GPR153: variants seen among roughly 807,000 people sequenced by gnomAD.
The protein encoded by GPR153 is G protein-coupled receptor 153.
In GPR153, 27 loss-of-function variants were observed where a neutral mutation model predicts 34.1. The ratio of observed to expected loss-of-function variants is 0.79; its 90% CI spans 0.58 to 1.09. The LOEUF (loss-of-function observed/expected upper bound fraction) is 1.09, where lower values mean the gene tolerates loss of function less well. GPR153 is among the 50% of genes least tolerant of loss of function. The pLI, the probability that GPR153 is intolerant of heterozygous loss-of-function variation, is 0.00. For missense variants in GPR153, 848 were observed against 860.2 expected, an observed-to-expected ratio of 0.99 and a Z score of 0.18; for synonymous variants, 408 against 405.4, an observed-to-expected ratio of 1.01 and a Z score of -0.08.
At position 6,249,725 on chromosome 1, in the gene GPR153, G is replaced by A; in HGVS notation, c.1443C>T (p.Gly481=). ...CGGGCCCGGGGCGGCGGCGCGGGCTGCCGGGGGGCGAGTCGCGGGCTCCCC... is the reference window on the plus strand; with the variant it reads ...CGGGCCCGGGGCGGCGGCGCGGGCTACCGGGGGGCGAGTCGCGGGCTCCCC... ...GPRGARDSPP[G]SPRRRPGPGP... is the part of the protein sequence containing the mutation. The change falls in exon 6 of 6, where the codon GGC becomes GGT. Residue 481 remains glycine (G), a synonymous_variant. Coordinates refer to ENST00000377893, the MANE Select transcript of GPR153 (RefSeq NM_207370.4). The surrounding 1 kb of genome is among the most constrained non-coding windows in gnomAD (Gnocchi z 4.3). The A allele has an allele frequency of 9.6e-7, 1 of 1,045,898 alleles. No individual in the cohort carries two copies. The allele number at this position is 1,045,898 out of a possible 1,614,324, so 64.8% of individuals were successfully genotyped here.
Position 6,250,443 on chromosome 1 carries a change from C to G in GPR153, c.1161G>C (p.Leu387=), listed in dbSNP as rs758841100. ...TCTCCCCCAGCCCTGCGCTCACCTG[C>G]AGGTATTGCATCTTGTCCTCCTGCA... ...RPLQEDKMQY[L]QVPPTRRFSH... Residue 387 remains leucine, a synonymous_variant, in exon 5 of 6, where the codon CTG becomes CTC. Transcript: ENST00000377893. 6.3e-7 allele frequency: 1 copy of G among 1,594,818 alleles called. No individual in the cohort carries two copies.
Position 6,251,602 on chromosome 1 carries a change from T to C in GPR153, c.787-72A>G, listed in dbSNP as rs919574805. ...CACACAAGCTCCCCCTGAGTCTCGG[T>C]CTCCCCATGTGTACGGCAGGTCTGA... On this transcript the variant is annotated intron_variant, in intron 3 of 5. Coordinates refer to ENST00000377893, the MANE Select transcript of GPR153 (RefSeq NM_207370.4). The surrounding 1 kb of genome is among the most constrained non-coding windows in gnomAD (Gnocchi z 4.9). The C allele has an allele frequency of 2.1e-5, 30 of 1,445,054 alleles. No homozygotes were observed. Among genetic ancestry groups the C allele is most frequent in the African/African-American group, 5.7e-5 (4 of 70,736 alleles). 89.5% of individuals were successfully genotyped at this position (1,445,054 alleles called of 1,614,324 possible).
chr1:6,249,306 T>C lies in GPR153; in HGVS notation c.*32A>G. 1 of 1,248,652 alleles carries C rather than the reference T, an allele frequency of 8.0e-7. No individual in the cohort carries two copies. The highest frequency in any genetic ancestry group is 1.0e-6 in the Non-Finnish European group (1 of 995,858). 77.3% of individuals were successfully genotyped at this position (1,248,652 alleles called of 1,614,324 possible). A position where few individuals can be genotyped will look rare whatever the true frequency, so the allele number is the denominator to read the frequency against. On this transcript the variant is annotated 3_prime_UTR_variant, in exon 6 of 6. Transcript: ENST00000377893. The surrounding 1 kb of genome is among the most constrained non-coding windows in gnomAD (Gnocchi z 4.3). ...TGCGGCCCCGGAGAGCGGCCTGGCCTGCCTGGCGTCCGTGGGGAGGCGCCG... is the reference window on the plus strand; with the variant it reads ...TGCGGCCCCGGAGAGCGGCCTGGCCCGCCTGGCGTCCGTGGGGAGGCGCCG...
At chr1:6,260,260 C>T (rs1000919038) in intron 1 of GPR153, among the ~76,000 whole-genome samples, 2 of 152,110 alleles carry the variant, frequency 1.3e-5, no homozygotes, top group East Asian at 1.9e-4. Context: ...CCGATGTGTT[C>T]CACGGGGCCC....
At chr1:6,257,730 A>T (rs1638595375) in intron 1 of GPR153, among the ~76,000 whole-genome samples, 1 of 152,250 alleles carries the variant, frequency 6.6e-6, no homozygotes, top group South Asian at 2.1e-4. Flanking sequence ...TCAGGGACAT[A>T]GGATGCTGGG....
At chr1:6,259,015 C>T (rs1638618575) in intron 1 of GPR153, among the ~76,000 whole-genome samples, 1 of 152,234 alleles carries the variant, frequency 6.6e-6, no homozygotes, top group Admixed American at 6.5e-5. Flanking sequence ...AATCCTAGCA[C>T]TCGGGGAGGC....
At position 6,251,654 on chromosome 1, in the gene GPR153, G is replaced by A; in HGVS notation, c.787-124C>T. On this transcript the variant is annotated intron_variant, in intron 3 of 5. Transcript: ENST00000377893. The surrounding 1 kb of genome is among the most constrained non-coding windows in gnomAD (Gnocchi z 4.9). ...AGGTGGGTATCTGCCAAGGAGAAGG[G>A]GCCCTTGGGGAGAAAAGAGCTGGAG... 1 of 1,092,496 alleles carries A rather than the reference G, an allele frequency of 9.2e-7. No homozygotes were observed. The allele number at this position is 1,092,496 out of a possible 1,614,324, so 67.7% of individuals were successfully genotyped here.
intron 1 of GPR153, among the ~76,000 whole-genome samples, chr1:6,260,265 G>C (rs1032839422): frequency 6.6e-6 from 1 of 152,124 alleles, no homozygotes; most frequent in Admixed American, 6.5e-5. Flanking sequence ...GTGTTCCACG[G>C]GGCCCGGCCT....
rs1391165026 is a variant in GPR153 at position 6,255,009 on chromosome 1, G to A, written c.-104C>T. On this transcript the variant is annotated 5_prime_UTR_variant, in exon 2 of 6. Transcript: ENST00000377893. ...GTGGCTCAAGGATGCTGGGGACCAC[G>A]AGCATCTGTGGGGGGGTGGCAGTGG... is the stretch of plus-strand genomic sequence containing the variant. 3.8e-6 allele frequency: 3 copies of A among 787,764 alleles called. No individual in the cohort carries two copies. Among genetic ancestry groups the A allele is most frequent in the African/African-American group, 3.5e-5 (2 of 56,784 alleles). The allele number at this position is 787,764 out of a possible 1,614,324, so 48.8% of individuals were successfully genotyped here.
chr1:6,258,079 G>A (rs757249946), intron 1 of GPR153, among the ~76,000 whole-genome samples: 17 of 152,214 alleles, frequency 1.1e-4, no homozygotes, highest in South Asian at 4.1e-4. Context: ...CCTGGCTCTC[G>A]GGCAGGGAAG....
In GPR153 at chr1:6,247,602, C is replaced by G. The variant is rs1002105041; in HGVS notation, c.*1736G>C. On this transcript the variant is annotated 3_prime_UTR_variant, in exon 6 of 6. Coordinates refer to ENST00000377893, the MANE Select transcript of GPR153 (RefSeq NM_207370.4). ...TGGAGTATTTAGAGGACTCTGTCCC[C>G]CTGCAAGTATTGCCGTTGGATATGA... The G allele has an allele frequency of 6.6e-6, 1 of 152,222 alleles. No individual in the cohort carries two copies. Among genetic ancestry groups the G allele is most frequent in the African/African-American group, 2.4e-5 (1 of 41,444 alleles). 9.4% of individuals were successfully genotyped at this position (152,222 alleles called of 1,614,324 possible). A position where few individuals can be genotyped will look rare whatever the true frequency, so the allele number is the denominator to read the frequency against.
chr1:6,258,620 A>G (rs1261997875), intron 1 of GPR153, among the ~76,000 whole-genome samples: 1 of 152,230 alleles, frequency 6.6e-6, no homozygotes, highest in Non-Finnish European at 1.5e-5. Flanking sequence ...ACAGAGTGTG[A>G]GTAAGCGCTG....
In GPR153 at chr1:6,249,281, T is replaced by G. The variant is rs897735272; in HGVS notation, c.*57A>C. 1 of 1,191,308 alleles carries G rather than the reference T, an allele frequency of 8.4e-7. No individual in the cohort carries two copies. Among genetic ancestry groups the G allele is most frequent in the African/African-American group, 1.6e-5 (1 of 63,122 alleles). The allele number at this position is 1,191,308 out of a possible 1,614,324, so 73.8% of individuals were successfully genotyped here. On this transcript the variant is annotated 3_prime_UTR_variant, in exon 6 of 6. Coordinates refer to ENST00000377893, the MANE Select transcript of GPR153 (RefSeq NM_207370.4). This position sits in a 1 kb window ranked among gnomAD's most constrained non-coding sequence, Gnocchi z 4.3. Reference sequence around the variant, plus strand: ...GGGCGGAGGCGGGCGTCTTTGGTGCTGCGGCCCCGGAGAGCGGCCTGGCCT... The same window carrying G: ...GGGCGGAGGCGGGCGTCTTTGGTGCGGCGGCCCCGGAGAGCGGCCTGGCCT...
In GPR153 at chr1:6,253,821, G is replaced by C; in HGVS notation, c.683C>G (p.Ser228Cys). The change falls in exon 3 of 6, where the codon TCC (serine) becomes TGC (cysteine). Residue 228 changes from serine (S) to cysteine (C), a missense_variant. By Grantham distance (112) the Ser-to-Cys change is moderately radical. Transcript: ENST00000377893. ...GGCGGGCTCCGAGCCATCGATGGAGGAGCGCCGCTTGCCCTGCGCGTCCTC... is the reference window on the plus strand; with the variant it reads ...GGCGGGCTCCGAGCCATCGATGGAGCAGCGCCGCTTGCCCTGCGCGTCCTC... ...VVEDAQGKRR[S>C]SIDGSEPAKT... is the part of the protein sequence containing the mutation. 2 of 1,591,168 alleles carry C rather than the reference G, an allele frequency of 1.3e-6. No homozygotes were observed. The highest frequency in any genetic ancestry group is 1.1e-5 in the South Asian group (1 of 88,236).
intron 4 of GPR153, among the ~76,000 whole-genome samples, chr1:6,250,908 G>A (rs925898558): frequency 6.6e-6 from 1 of 152,318 alleles, no homozygotes; most frequent in African/African-American, 2.4e-5. Flanking sequence ...AATAACACAC[G>A]CAAGGGGCTG....
At chr1:6,250,722 A>T (rs1360431069) in intron 4 of GPR153, 98 bp from the exon 5 acceptor site, 16 of 672,258 alleles carry the variant, frequency 2.4e-5, no homozygotes, top group Non-Finnish European at 2.6e-6. Flanking sequence ...GAGATCCCCC[A>T]ACAGACATAT....
In GPR153 at chr1:6,254,844, G is replaced by A. The variant is rs768218848; in HGVS notation, c.62C>T (p.Ser21Phe). The A allele has an allele frequency of 4.9e-5, 79 of 1,607,774 alleles. No homozygotes were observed. The highest frequency in any genetic ancestry group is 6.6e-5 in the Non-Finnish European group (78 of 1,177,322). ...AVGWLVCGGLSLLANAWGILS... is the reference protein window; with the variant it reads ...AVGWLVCGGLFLLANAWGILS... ...GATGCCCCAGGCATTGGCCAGCAGG[G>A]AGAGGCCCCCACATACCAGCCAGCC... is the stretch of plus-strand genomic sequence containing the variant. Residue 21 changes from serine (S) to phenylalanine (F), a missense_variant, in exon 2 of 6, where the codon TCC becomes TTC. Ser to Phe is a radical substitution (Grantham distance 155, BLOSUM62 -2). Coordinates refer to ENST00000377893, the MANE Select transcript of GPR153 (RefSeq NM_207370.4).
At position 6,249,754 on chromosome 1, in the gene GPR153, G is replaced by A. The variant is rs1363966564; in HGVS notation, c.1414C>T (p.Pro472Ser). The change falls in exon 6 of 6, where the codon CCG becomes TCG. Residue 472 changes from proline (P) to serine (S), a missense_variant. Coordinates refer to ENST00000377893, the MANE Select transcript of GPR153 (RefSeq NM_207370.4). The surrounding 1 kb of genome is among the most constrained non-coding windows in gnomAD (Gnocchi z 4.3). ...GGGGGCGAGTCGCGGGCTCCCCGCG[G>A]GCCGCTATCCAGGGCCGAGGGCCGC... Reference protein sequence around the residue: ...SLRPSALDSGPRGARDSPPGS... With the variant: ...SLRPSALDSGSRGARDSPPGS... The A allele has an allele frequency of 2.7e-6, 3 of 1,107,518 alleles. No homozygotes were observed. The highest frequency in any genetic ancestry group is 3.3e-6 in the Non-Finnish European group (3 of 910,528). 68.6% of individuals were successfully genotyped at this position (1,107,518 alleles called of 1,614,324 possible). A position where few individuals can be genotyped will look rare whatever the true frequency, so the allele number is the denominator to read the frequency against.
rs1638377568 is a variant in GPR153, at chr1:6,249,327, C to T, written c.*11G>A. The T allele has an allele frequency of 3.2e-6, 4 of 1,267,516 alleles. No homozygotes were observed. The highest frequency in any genetic ancestry group is 4.0e-6 in the Non-Finnish European group (4 of 1,007,550). The allele number at this position is 1,267,516 out of a possible 1,614,324, so 78.5% of individuals were successfully genotyped here. A position where few individuals can be genotyped will look rare whatever the true frequency, so the allele number is the denominator to read the frequency against. On this transcript the variant is annotated 3_prime_UTR_variant, in exon 6 of 6. Transcript: ENST00000377893. The surrounding 1 kb of genome is among the most constrained non-coding windows in gnomAD (Gnocchi z 4.3). ...GGCCTGCCTGGCGTCCGTGGGGAGG[C>T]GCCGGCGGTCCTAGGACGCGGAGCC...
Sources: allele counts gnomAD v4.1 joint callset (sites outside exome capture counted in the v4.1 genomes callset), GRCh38; gene constraint gnomAD v4.1.1; non-coding constraint Gnocchi (gnomAD v3.1); transcripts MANE v1.5; gene names NCBI Gene and HGNC (gene_info 2026-07-23, HGNC 2026-07-21).